Variants in IFT80 observed in about 807,000 individuals in gnomAD.
IFT80 encodes the protein intraflagellar transport protein 80 homolog.
Under a neutral mutation model 107.9 loss-of-function variants are expected in IFT80, and 79 were observed. The ratio of observed to expected loss-of-function variants is 0.73; its 90% CI spans 0.61 to 0.88. The LOEUF is 0.88. Ranked by LOEUF, IFT80 falls within the 40% of genes least tolerant of loss-of-function variation. IFT80 has a pLI of 0.00. For synonymous variants in IFT80, 299 were observed against 300.9 expected (o/e 0.99, Z 0.07); for missense variants, 797 against 914.2 (o/e 0.87, Z 1.65).
chr3:160,300,860 A>C, intron 12 of IFT80, 23 bp downstream of exon 12: 1 of 1,563,332 alleles, frequency 6.4e-7, no homozygotes, highest in Non-Finnish European at 8.7e-7. Context: ...ATTTGACAGG[A>C]AAAATTATAA....
chr3:160,387,615 T>A (rs1164564119), intron 1 of IFT80, among the ~76,000 whole-genome samples: 1 of 152,114 alleles, frequency 6.6e-6, no homozygotes, highest in South Asian at 2.1e-4. Context: ...TGGAATGGGG[T>A]GATATCAAAC....
chr3:160,352,978 T>A (rs1720822674), intron 8 of IFT80, among the ~76,000 whole-genome samples: 1 of 152,202 alleles, frequency 6.6e-6, no homozygotes, highest in Non-Finnish European at 1.5e-5. Context: ...TCTATGATGA[T>A]CTTAGAGTAT....
intron 8 of IFT80, among the ~76,000 whole-genome samples, chr3:160,339,593 C>T (rs931202463): frequency 1.3e-5 from 2 of 152,228 alleles, no homozygotes; most frequent in Admixed American, 6.5e-5. Context: ...GCAGCTAACA[C>T]AGTTTTCTTA....
At chr3:160,291,142 G>A (rs530268149) in intron 12 of IFT80, among the ~76,000 whole-genome samples, 2 of 152,302 alleles carry the variant, frequency 1.3e-5, no homozygotes, top group African/African-American at 4.8e-5. Flanking sequence ...ACAGGCGAAA[G>A]CCTATGAACA....
At chr3:160,382,916 G>C (rs2108406250) in intron 2 of IFT80, among the ~76,000 whole-genome samples, 1 of 152,204 alleles carries the variant, frequency 6.6e-6, no homozygotes, top group East Asian at 1.9e-4. Flanking sequence ...GTAATAAAGA[G>C]ACACCAGAAT....
At chr3:160,261,129 G>A (rs1416367159) in intron 19 of IFT80, among the ~76,000 whole-genome samples, 1 of 151,962 alleles carries the variant, frequency 6.6e-6, no homozygotes, top group African/African-American at 2.4e-5. Context: ...GGCTCTCTAT[G>A]CTGTCTTCTC....
intron 12 of IFT80, among the ~76,000 whole-genome samples, chr3:160,293,902 A>G (rs1457066886): frequency 3.9e-5 from 6 of 152,230 alleles, no homozygotes; most frequent in African/African-American, 1.4e-4. Context: ...TCTAGACACC[A>G]AAACTGAAAG....
chr3:160,302,119 G>C (rs929237741), intron 11 of IFT80, among the ~76,000 whole-genome samples: 1 of 151,940 alleles, frequency 6.6e-6, no homozygotes, highest in Non-Finnish European at 1.5e-5. Context: ...CCTTCATGCT[G>C]AAGACATTAT....
intron 2 of IFT80, chr3:160,383,573 G>A (rs187959414): frequency 1.3e-6 from 1 of 791,082 alleles, no homozygotes; most frequent in African/African-American, 1.9e-5. Context: ...TAGAAAAATT[G>A]GACATTATAA....
intron 13 of IFT80, among the ~76,000 whole-genome samples, chr3:160,284,282 C>T (rs960110146): frequency 9.2e-5 from 14 of 151,958 alleles, no homozygotes; most frequent in African/African-American, 3.1e-4. Context: ...AGAGTTATAA[C>T]ATTAAAATAA....
intron 16 of IFT80, 76 bp downstream of exon 16, chr3:160,279,117 T>C: frequency 1.7e-6 from 2 of 1,205,018 alleles, no homozygotes; most frequent in Non-Finnish European, 1.2e-6. Context: ...TTTAAGCCTA[T>C]TATCATTACT....
intron 18 of IFT80, among the ~76,000 whole-genome samples, chr3:160,272,867 A>G (rs556735143): frequency 9.2e-4 from 140 of 152,330 alleles, no homozygotes; most frequent in Non-Finnish European, 1.6e-3. Context: ...TGTACAAAAA[A>G]ATCTACTACA....
intron 5 of IFT80, among the ~76,000 whole-genome samples, chr3:160,371,278 T>G (rs1711515022): frequency 6.6e-6 from 1 of 152,144 alleles, no homozygotes; most frequent in Non-Finnish European, 1.5e-5. Context: ...TTCTTCATTC[T>G]TCAAAGCCCA....
intron 8 of IFT80, among the ~76,000 whole-genome samples, chr3:160,340,193 G>C (rs1719792163): frequency 6.6e-6 from 1 of 152,144 alleles, no homozygotes; most frequent in Non-Finnish European, 1.5e-5. Context: ...AATAAAGCTA[G>C]TGAGATAATT....
intron 8 of IFT80, chr3:160,343,890 A>G: frequency 4.7e-6 from 1 of 211,966 alleles, no homozygotes; most frequent in Middle Eastern, 4.7e-4. Context: ...CATCTAACAG[A>G]CTCTCAATAA....
chr3:160,344,520 C>T (rs1480932002), intron 8 of IFT80, among the ~76,000 whole-genome samples: 3 of 152,092 alleles, frequency 2.0e-5, no homozygotes, highest in Non-Finnish European at 2.9e-5. Context: ...AAATCTCCAG[C>T]GCTGGTCTGG....
At chr3:160,315,634 A>G (rs1717762518) in intron 9 of IFT80, among the ~76,000 whole-genome samples, 1 of 152,122 alleles carries the variant, frequency 6.6e-6, no homozygotes, top group Non-Finnish European at 1.5e-5. Flanking sequence ...TAAATGGGTA[A>G]TCACTGTGTG....
At chr3:160,381,266 T>TATATATATATATG (rs1553766638) in intron 3 of IFT80, among the ~76,000 whole-genome samples, 1 of 70,674 alleles carries the variant, frequency 1.4e-5, no homozygotes, top group African/African-American at 4.8e-5. Flanking sequence ...ATATATATAT[T>TATATATATATATG]AAAGCCAAAG....
chr3:160,328,633 C>G (rs925027335), intron 8 of IFT80, among the ~76,000 whole-genome samples: 2 of 151,886 alleles, frequency 1.3e-5, no homozygotes, highest in Non-Finnish European at 2.9e-5. Context: ...CCAGTGATAC[C>G]ATTACTGGGT....
Sources: allele counts gnomAD v4.1 joint callset (sites outside exome capture counted in the v4.1 genomes callset), GRCh38; gene constraint gnomAD v4.1.1; transcripts MANE v1.5; gene names NCBI Gene and HGNC (gene_info 2026-07-23, HGNC 2026-07-21).